Variants in SLC22A2 observed in about 807,000 individuals in gnomAD.
The protein encoded by SLC22A2 is organic cation transporter 2.
SLC22A2 carries 46 observed loss-of-function variants against 60.5 expected under a neutral mutation model. The observed-to-expected ratio is 0.76, with a 90% CI of 0.60 to 0.97. SLC22A2 has a LOEUF of 0.97. SLC22A2 is among the 50% of genes least tolerant of loss of function. The pLI is 0.00. For synonymous variants in SLC22A2, 303 were observed against 267.0 expected (o/e 1.13, Z -1.31); for missense variants, 701 against 706.6 (o/e 0.99, Z 0.09).
At chr6:160,228,389 A>C (rs999635791) in intron 9 of SLC22A2, among the ~76,000 whole-genome samples, 10 of 152,164 alleles carry the variant, frequency 6.6e-5, no homozygotes, top group African/African-American at 2.4e-4. Flanking sequence ...TAAGACAGAG[A>C]GGGTTAAAAG....
At chr6:160,241,697 T>C (rs932684621) in intron 8 of SLC22A2, 111 bp from the exon 9 acceptor site, 21 of 677,868 alleles carry the variant, frequency 3.1e-5, no homozygotes, top group Non-Finnish European at 4.3e-5. Context: ...TCAAGAGCTA[T>C]AGTGTACACT....
At chr6:160,228,804 C>G (rs1265681631) in intron 9 of SLC22A2, among the ~76,000 whole-genome samples, 1 of 151,906 alleles carries the variant, frequency 6.6e-6, no homozygotes, top group African/African-American at 2.4e-5. Context: ...ATTCCTTCTC[C>G]TGGCTCGTCC....
Position 160,249,211 on chromosome 6 carries a change from C to T in SLC22A2, c.842+5G>A. On this transcript the variant is annotated splice_donor_5th_base_variant and intron_variant, in intron 4 of 10. Coordinates refer to ENST00000366953, the MANE Select transcript of SLC22A2 (RefSeq NM_003058.4). The stretch of plus-strand genomic sequence containing the variant: ...TTATTTCCTTTTTATTCCAAATGGA[C>T]TTACCAGTAATAGAGCAAGAAGAAG... 1 of 1,573,390 alleles carries T rather than the reference C, an allele frequency of 6.4e-7. No individual in the cohort carries two copies. The highest frequency in any genetic ancestry group is 8.6e-7 in the Non-Finnish European group (1 of 1,158,046).
chr6:160,217,519 GGA>G, intron 10 of SLC22A2, 21 bp from the exon 11 acceptor site: 1 of 1,362,840 alleles, frequency 7.3e-7, no homozygotes, highest in Non-Finnish European at 1.0e-6. Context: ...AAATAAAAAT[GGA>G]GAGGGGAGAA....
chr6:160,241,429 A>C, intron 9 of SLC22A2, 45 bp downstream of exon 9: 1 of 1,275,516 alleles, frequency 7.8e-7, no homozygotes, highest in South Asian at 1.2e-5. Context: ...GAAGGTCTCT[A>C]GAAAAATAAG....
At chr6:160,237,957 G>A (rs1174446642) in intron 9 of SLC22A2, among the ~76,000 whole-genome samples, 2 of 152,214 alleles carry the variant, frequency 1.3e-5, no homozygotes, top group Non-Finnish European at 2.9e-5. Flanking sequence ...GGCAACATCA[G>A]GAAGTTACCT....
Position 160,245,479 on chromosome 6 carries a change from GA to G in SLC22A2, c.1023del (p.Pro342LeufsTer3). On this transcript the variant is annotated frameshift_variant, in exon 6 of 11. Transcript: ENST00000366953. LOFTEE classifies it high-confidence loss of function. ...LNPSFLDLVR[T>X]PQIRKHTMIL... ...ATCATAGTATGTTTCCTTATCTGAG[GA>G]GTTCTGACCAAGTCAAGAAATGAAG... is the stretch of plus-strand genomic sequence containing the variant. The G allele has an allele frequency of 6.2e-7, 1 of 1,607,878 alleles. No homozygotes were observed. The highest frequency in any genetic ancestry group is 1.1e-5 in the South Asian group (1 of 89,924).
chr6:160,222,584 A>C (rs1314186880), intron 10 of SLC22A2, among the ~76,000 whole-genome samples: 1 of 152,214 alleles, frequency 6.6e-6, no homozygotes, highest in Non-Finnish European at 1.5e-5. Context: ...AACAGGATTT[A>C]GACTGTCTTT....
chr6:160,240,367 A>C (rs1013601892), intron 9 of SLC22A2, among the ~76,000 whole-genome samples: 1 of 152,264 alleles, frequency 6.6e-6, no homozygotes, highest in African/African-American at 2.4e-5. Context: ...TGGAGGAATG[A>C]CTGATCTTGT....
rs530891966 is a variant in SLC22A2, at chr6:160,241,532, C to T, written c.1443G>A (p.Thr481=). 24 of 1,613,636 alleles carry T rather than the reference C, an allele frequency of 1.5e-5. No individual in the cohort carries two copies. Among genetic ancestry groups the T allele is most frequent in the Admixed American group, 5.0e-5 (3 of 59,984 alleles). Residue 481 remains threonine (T), a synonymous_variant, in exon 9 of 11, where the codon ACG becomes ACA. Coordinates refer to ENST00000366953, the MANE Select transcript of SLC22A2 (RefSeq NM_003058.4). ...SSMCDIGGII[T]PFLVYRLTNI... ...TAGTGAGCCGGTAGACCAGGAATGG[C>T]GTGATGATGCCACCAATGTCACACA...
chr6:160,230,669 C>T (rs1010746298), intron 9 of SLC22A2, among the ~76,000 whole-genome samples: 3 of 151,976 alleles, frequency 2.0e-5, no homozygotes, highest in African/African-American at 7.3e-5. Flanking sequence ...CACTGTGAGA[C>T]AAACCCCAGA....
intron 9 of SLC22A2, among the ~76,000 whole-genome samples, chr6:160,240,326 AG>A (rs1782977621): frequency 6.6e-6 from 1 of 152,230 alleles, no homozygotes; most frequent in Non-Finnish European, 1.5e-5. Context: ...AGTAAAGAAA[AG>A]AATCAATTAT....
At chr6:160,219,170 TCAGCAACAACAG>T (rs1451066295) in intron 10 of SLC22A2, among the ~76,000 whole-genome samples, 2 of 870 alleles carry the variant, frequency 2.3e-3, no homozygotes, top group African/African-American at 7.8e-3. Flanking sequence ...AGCAGCAACA[TCAGCAACAACAG>T]CAGCAACAAC....
At chr6:160,230,987 G>A (rs189890868) in intron 9 of SLC22A2, among the ~76,000 whole-genome samples, 21 of 151,996 alleles carry the variant, frequency 1.4e-4, no homozygotes, top group East Asian at 3.9e-4. Context: ...CAATCACCTC[G>A]GAAGCCCCCT....
Position 160,258,583 on chromosome 6 carries a change from G to A in SLC22A2, c.175C>T (p.Leu59=). 1 of 1,613,912 alleles carries A rather than the reference G, an allele frequency of 6.2e-7. No individual in the cohort carries two copies. The highest frequency in any genetic ancestry group is 8.5e-7 in the Non-Finnish European group (1 of 1,179,910). ...HRCRSPGVAE[L]SLRCGWSPAE... is the part of the protein sequence containing the mutation. ...GGACTCCAGCCGCAGCGCAGACTCA[G>A]CTCGGCCACTCCGGGGCTCCGGCAG... Residue 59 remains leucine (L), a synonymous_variant, in exon 1 of 11, where the codon CTG becomes TTG. Transcript: ENST00000366953.
chr6:160,229,581 C>A (rs1782785101), intron 9 of SLC22A2, among the ~76,000 whole-genome samples: 1 of 151,710 alleles, frequency 6.6e-6, no homozygotes, highest in East Asian at 1.9e-4. Context: ...CATGTACCCA[C>A]CCCTTCTCCA....
At chr6:160,224,848 T>C in intron 9 of SLC22A2, 44 bp from the exon 10 acceptor site, 1 of 1,159,178 alleles carries the variant, frequency 8.6e-7, no homozygotes, top group Non-Finnish European at 1.2e-6. Context: ...ACTGAAAAAC[T>C]CAAGGTCTAT....
Position 160,250,583 on chromosome 6 carries a change from A to G in SLC22A2, c.638T>C (p.Val213Ala). 6.2e-7 allele frequency: 1 copy of G among 1,614,108 alleles called. No individual in the cohort carries two copies. Among genetic ancestry groups the G allele is most frequent in the South Asian group, 1.1e-5 (1 of 91,066 alleles). Residue 213 changes from valine to alanine, a missense_variant, in exon 3 of 11, where the codon GTC (valine) becomes GCC (alanine). Coordinates refer to ENST00000366953, the MANE Select transcript of SLC22A2 (RefSeq NM_003058.4). ...MLIFRLIQGL[V>A]SKAGWLIGYI... is the part of the protein sequence containing the mutation. ...GCCTATTAACCAGCCTGCTTTGCTG[A>G]CCAGTCCTTGGATTAAGCGAAAAAT...
chr6:160,220,471 G>T (rs548576725), intron 10 of SLC22A2, among the ~76,000 whole-genome samples: 1 of 152,122 alleles, frequency 6.6e-6, no homozygotes, highest in Non-Finnish European at 1.5e-5. Context: ...TCCCATTAAC[G>T]TTCATATTTT....
Sources: allele counts gnomAD v4.1 joint callset (sites outside exome capture counted in the v4.1 genomes callset), GRCh38; gene constraint gnomAD v4.1.1; transcripts MANE v1.5; gene names NCBI Gene and HGNC (gene_info 2026-07-23, HGNC 2026-07-21).